Variants in CNBD1 observed in about 807,000 individuals in gnomAD.
CNBD1 encodes the protein cyclic nucleotide binding domain containing 1.
Under a neutral mutation model 54.4 loss-of-function variants are expected in CNBD1, and 71 were observed. The observed-to-expected ratio is 1.30, with a 90% CI of 1.08 to 1.59. The LOEUF (loss-of-function observed/expected upper bound fraction) is 1.59. Among genes scored for constraint, CNBD1 ranks in the 40% most tolerant of loss-of-function variants. The pLI, the probability that CNBD1 is intolerant of heterozygous loss-of-function variation, is 0.00. For synonymous variants in CNBD1, 182 were observed against 170.7 expected, an observed-to-expected ratio of 1.07 and a Z score of -0.51; for missense variants, 659 against 518.0, an observed-to-expected ratio of 1.27 and a Z score of -2.64.
chr8:87,332,715 C>G (rs956532347), intron 8 of CNBD1, among the ~76,000 whole-genome samples: 2 of 152,024 alleles, frequency 1.3e-5, no homozygotes, highest in Non-Finnish European at 2.9e-5. Flanking sequence ...TCTGAGGTCT[C>G]TATTATGTTT....
intron 8 of CNBD1, among the ~76,000 whole-genome samples, chr8:87,326,450 A>G (rs1452885612): frequency 1.1e-4 from 14 of 126,298 alleles, no homozygotes; most frequent in African/African-American, 2.0e-4. Flanking sequence ...CCAATCAGAC[A>G]TAGATTTGGT....
At chr8:87,154,614 G>T (rs1812676377) in intron 4 of CNBD1, among the ~76,000 whole-genome samples, 3 of 152,148 alleles carry the variant, frequency 2.0e-5, no homozygotes, top group African/African-American at 7.2e-5. Flanking sequence ...ATCCACAGTG[G>T]GGAGTGCTGT....
intron 5 of CNBD1, among the ~76,000 whole-genome samples, chr8:87,232,792 T>G (rs564258385): frequency 6.6e-6 from 1 of 152,220 alleles, no homozygotes; most frequent in African/African-American, 2.4e-5. Context: ...ATGTGTTGGA[T>G]GATGAAAGAA....
chr8:87,225,681 G>A (rs1431283977), intron 5 of CNBD1, among the ~76,000 whole-genome samples: 9 of 152,248 alleles, frequency 5.9e-5, no homozygotes, highest in African/African-American at 2.2e-4. Context: ...TGTTCATCAA[G>A]GATATTGATC....
At chr8:87,413,984 G>A (rs552687562) in intron 2 of CNBD1, among the ~76,000 whole-genome samples, 89 of 151,764 alleles carry the variant, frequency 5.9e-4, no homozygotes, top group South Asian at 5.4e-3. Context: ...GGGATCTAGA[G>A]CTAGAAATAC....
chr8:87,027,723 G>A (rs7001212), intron 4 of CNBD1, among the ~76,000 whole-genome samples: 4,614 of 152,280 alleles, frequency 0.03, 236 homozygotes, highest in African/African-American at 0.1. Flanking sequence ...ACGGGACTCC[G>A]TCCCACTTTC....
intron 8 of CNBD1, among the ~76,000 whole-genome samples, chr8:87,300,395 G>A (rs1327708576): frequency 1.3e-5 from 2 of 151,942 alleles, no homozygotes; most frequent in African/African-American, 4.8e-5. Context: ...ACGAGTACCT[G>A]TTACTACTGA....
intron 4 of CNBD1, among the ~76,000 whole-genome samples, chr8:87,142,879 T>A (rs1445640076): frequency 8.4e-6 from 1 of 119,634 alleles, no homozygotes; most frequent in Non-Finnish European, 1.7e-5. Context: ...TTTTCGTGTG[T>A]CTGTGTATGC....
In CNBD1 at chr8:87,291,549, T is replaced by C. The variant is rs543076673; in HGVS notation, c.1042+4878T>C. On this transcript the variant is annotated intron_variant, in intron 8 of 10. Transcript: ENST00000518476. ...TAACAGTGTAAGAATCACCCTTAGT[T>C]GTAGTGTTATAAAAAAAAATGGGCC... is the stretch of plus-strand genomic sequence containing the variant. Among the ~76,000 whole-genome samples, 129 of 152,204 alleles carry C rather than the reference T, an allele frequency of 8.5e-4. 1 individual carries two copies. The highest frequency in any genetic ancestry group is 3.1e-3 in the African/African-American group (127 of 41,534).
At chr8:87,417,998 G>A (rs74718977) in intron 2 of CNBD1, among the ~76,000 whole-genome samples, 2,280 of 151,926 alleles carry the variant, frequency 0.015, 58 homozygotes, top group African/African-American at 0.049. Flanking sequence ...CTACAGATTT[G>A]CCATAATTCC....
chr8:87,307,839 C>G (rs1809190561), intron 8 of CNBD1, among the ~76,000 whole-genome samples: 1 of 151,324 alleles, frequency 6.6e-6, no homozygotes, highest in Admixed American at 6.6e-5. Flanking sequence ...TGATGGCAGT[C>G]AAACTCAATG....
At chr8:86,908,800 T>TTGAGACGGTGTCC (rs11273948) in intron 3 of CNBD1, among the ~76,000 whole-genome samples, 1 of 135,776 alleles carries the variant, frequency 7.4e-6, no homozygotes, top group African/African-American at 2.7e-5. Flanking sequence ...TTTTTTTTTT[T>TTGAGACGGTGTCC]TGTGCTGAGG....
intron 4 of CNBD1, among the ~76,000 whole-genome samples, chr8:87,089,957 A>G (rs890690770): frequency 3.9e-5 from 6 of 152,118 alleles, no homozygotes; most frequent in South Asian, 2.1e-4. Flanking sequence ...AGGTTGGACA[A>G]TATTTCTATT....
intron 6 of CNBD1, among the ~76,000 whole-genome samples, chr8:87,266,438 C>CTTTT (rs72293236): frequency 0.049 from 2,478 of 50,254 alleles, 521 homozygotes; most frequent in Middle Eastern, 0.075. Context: ...AAAAAAAAAT[C>CTTTT]TTTTTTTTTT....
intron 2 of CNBD1, among the ~76,000 whole-genome samples, chr8:87,417,470 C>A (rs916542932): frequency 5.9e-5 from 9 of 152,010 alleles, no homozygotes; most frequent in South Asian, 2.1e-4. Context: ...ATTTCCTCAA[C>A]CTGGTAAAAA....
chr8:87,423,821 C>G (rs866078319), intron 2 of CNBD1, among the ~76,000 whole-genome samples: 3 of 152,192 alleles, frequency 2.0e-5, no homozygotes, highest in Admixed American at 1.3e-4. Flanking sequence ...CCCTCTTTTT[C>G]TATTGATTGG....
At chr8:86,968,988 G>A (rs954875065) in intron 4 of CNBD1, among the ~76,000 whole-genome samples, 1 of 152,142 alleles carries the variant, frequency 6.6e-6, no homozygotes, top group Non-Finnish European at 1.5e-5. Context: ...ATTTTCTTGT[G>A]GGCAAATTGT....
At chr8:87,333,695 C>G (rs1331698732) in intron 8 of CNBD1, among the ~76,000 whole-genome samples, 1 of 151,976 alleles carries the variant, frequency 6.6e-6, no homozygotes, top group Admixed American at 6.6e-5. Context: ...GTTAAACCAG[C>G]CTTGCATCTC....
intron 10 of CNBD1, among the ~76,000 whole-genome samples, chr8:87,357,397 G>C (rs564409440): frequency 1.6e-4 from 25 of 152,294 alleles, no homozygotes; most frequent in Non-Finnish European, 2.4e-4. Flanking sequence ...AAAGCTGCAA[G>C]GGTGGAGCTG....
Sources: allele counts gnomAD v4.1 joint callset (sites outside exome capture counted in the v4.1 genomes callset), GRCh38; gene constraint gnomAD v4.1.1; transcripts MANE v1.5; gene names NCBI Gene and HGNC (gene_info 2026-07-23, HGNC 2026-07-21).